Variants in RNGTT observed in about 807,000 individuals in gnomAD.
The protein encoded by RNGTT is RNA guanylyltransferase and 5'-phosphatase.
A neutral mutation model predicts 79.3 loss-of-function variants in RNGTT; 33 were observed. The observed-to-expected ratio is 0.42, with a 90% CI of 0.32 to 0.56. The LOEUF (loss-of-function observed/expected upper bound fraction) is 0.56. Among genes scored for constraint, RNGTT ranks in the 20% least tolerant of loss-of-function variants. RNGTT has a pLI of 0.17. For missense variants in RNGTT, 497 were observed against 739.1 expected, an observed-to-expected ratio of 0.67 and a Z score of 3.80; for synonymous variants, 222 against 235.9, an observed-to-expected ratio of 0.94 and a Z score of 0.54.
intron 11 of RNGTT, among the ~76,000 whole-genome samples, chr6:88,810,063 A>AC (rs202053342): frequency 8.5e-4 from 130 of 152,242 alleles, no homozygotes; most frequent in East Asian, 8.3e-3. Context: ...AGCAAAAAAA[A>AC]ATTTTTTACC....
At chr6:88,647,715 A>AAAG (rs1554200969) in intron 14 of RNGTT, among the ~76,000 whole-genome samples, 53 of 142,450 alleles carry the variant, frequency 3.7e-4, no homozygotes, top group Middle Eastern at 3.5e-3. Context: ...AAAAAAAAAA[A>AAAG]AAGAAGAAGA....
At chr6:88,876,583 C>A (rs1782526776) in intron 8 of RNGTT, among the ~76,000 whole-genome samples, 1 of 152,212 alleles carries the variant, frequency 6.6e-6, no homozygotes, top group Non-Finnish European at 1.5e-5. Flanking sequence ...ATAGCTAGCA[C>A]AATCTCTGGC....
chr6:88,847,183 T>C (rs1781511500), intron 10 of RNGTT, among the ~76,000 whole-genome samples: 1 of 152,162 alleles, frequency 6.6e-6, no homozygotes, highest in South Asian at 2.1e-4. Context: ...TTTTTTAAGT[T>C]CTCCTGTGTT....
chr6:88,669,253 A>C (rs1256460008), intron 14 of RNGTT, among the ~76,000 whole-genome samples: 1 of 152,178 alleles, frequency 6.6e-6, no homozygotes, highest in Non-Finnish European at 1.5e-5. Context: ...AGGGAAGACA[A>C]AAGATTTGTT....
intron 6 of RNGTT, among the ~76,000 whole-genome samples, chr6:88,893,253 T>G (rs1032947639): frequency 6.6e-6 from 1 of 152,094 alleles, no homozygotes; most frequent in Non-Finnish European, 1.5e-5. Context: ...AAAAGAACAC[T>G]TCTTTTTAGA....
At chr6:88,885,224 T>C (rs909672695) in intron 8 of RNGTT, among the ~76,000 whole-genome samples, 1 of 151,790 alleles carries the variant, frequency 6.6e-6, no homozygotes, top group African/African-American at 2.4e-5. Context: ...CAAAAATTGG[T>C]TTCTAAATAC....
intron 13 of RNGTT, among the ~76,000 whole-genome samples, chr6:88,709,383 G>A (rs1928065): frequency 0.15 from 22,384 of 151,838 alleles, 5,479 homozygotes; most frequent in African/African-American, 0.51. Context: ...GAGGCTGAGA[G>A]AGAGAATATA....
intron 14 of RNGTT, among the ~76,000 whole-genome samples, chr6:88,654,745 T>C (rs1338056129): frequency 6.6e-6 from 1 of 152,166 alleles, no homozygotes; most frequent in African/African-American, 2.4e-5. Flanking sequence ...ATGGCAGCAT[T>C]AGCTGGACAA....
chr6:88,827,807 T>G (rs1357008149), intron 11 of RNGTT, among the ~76,000 whole-genome samples: 1 of 152,046 alleles, frequency 6.6e-6, no homozygotes, highest in Admixed American at 6.5e-5. Context: ...CCACCTCAGC[T>G]CCACAAACTG....
chr6:88,915,594 C>T (rs1470877268), intron 4 of RNGTT, among the ~76,000 whole-genome samples: 1 of 152,082 alleles, frequency 6.6e-6, no homozygotes, highest in African/African-American at 2.4e-5. Flanking sequence ...AAGACAGGAA[C>T]AAACACTGGG....
At chr6:88,698,095 GAAAT>G (rs1186104931) in intron 13 of RNGTT, among the ~76,000 whole-genome samples, 2 of 88,514 alleles carry the variant, frequency 2.3e-5, no homozygotes, top group African/African-American at 1.6e-4. Context: ...ATATATATAT[GAAAT>G]ACATATATAT....
chr6:88,806,466 A>G (rs369714921), intron 11 of RNGTT, among the ~76,000 whole-genome samples: 137 of 151,778 alleles, frequency 9.0e-4, no homozygotes, highest in East Asian at 3.7e-3. Context: ...ACAGGCGCGC[A>G]CCACCACACC....
In RNGTT at chr6:88,802,246, G is replaced by A. The variant is rs1356635263; in HGVS notation, c.1270-614C>T. ...ACATTGTGTTTTCCAAGAACCCTTAGAGAATGTTTTTAATCTTACTTTGGG... is the reference window on the plus strand; with the variant it reads ...ACATTGTGTTTTCCAAGAACCCTTAAAGAATGTTTTTAATCTTACTTTGGG... On this transcript the variant is annotated intron_variant, in intron 11 of 15. Transcript: ENST00000369485. Among the ~76,000 whole-genome samples, 4 of 152,210 alleles carry A rather than the reference G, an allele frequency of 2.6e-5. No homozygotes were observed. In the East Asian group the frequency reaches 7.7e-4, roughly 29 times the overall value.
intron 6 of RNGTT, among the ~76,000 whole-genome samples, chr6:88,898,659 C>CTGTG (rs956341739): frequency 6.8e-6 from 1 of 147,068 alleles, no homozygotes; most frequent in South Asian, 2.1e-4. Context: ...AGTATATATA[C>CTGTG]TGTGTGTGTG....
At chr6:88,823,049 G>C (rs1453654463) in intron 11 of RNGTT, among the ~76,000 whole-genome samples, 1 of 152,134 alleles carries the variant, frequency 6.6e-6, no homozygotes, top group Non-Finnish European at 1.5e-5. Flanking sequence ...CTTTACGCAA[G>C]ACACAAGAAA....
chr6:88,639,925 C>T (rs973874530), intron 14 of RNGTT, among the ~76,000 whole-genome samples: 1 of 152,120 alleles, frequency 6.6e-6, no homozygotes, highest in African/African-American at 2.4e-5. Flanking sequence ...CATCTAACTC[C>T]TTCACACCCT....
intron 4 of RNGTT, among the ~76,000 whole-genome samples, chr6:88,928,484 G>A (rs938835582): frequency 6.6e-6 from 1 of 152,108 alleles, no homozygotes; most frequent in Non-Finnish European, 1.5e-5. Context: ...TCACTGATGT[G>A]TTCCACGAGC....
chr6:88,854,999 AG>A (rs1041469148), intron 8 of RNGTT, among the ~76,000 whole-genome samples: 1 of 152,342 alleles, frequency 6.6e-6, no homozygotes, highest in South Asian at 2.1e-4. Flanking sequence ...AAGATTAGAA[AG>A]TTAAAAGGCA....
intron 11 of RNGTT, among the ~76,000 whole-genome samples, chr6:88,805,547 A>C (rs935049245): frequency 6.6e-6 from 1 of 152,214 alleles, no homozygotes; most frequent in Non-Finnish European, 1.5e-5. Flanking sequence ...GACTTGGACC[A>C]ATGATATTAT....
Sources: gnomAD v4.1 joint callset for allele counts (sites outside exome capture counted in the v4.1 genomes callset) on GRCh38, gnomAD v4.1.1 for gene constraint, MANE v1.5 for transcripts, NCBI Gene and HGNC (gene_info 2026-07-23, HGNC 2026-07-21) for gene names.